The following SH3TC1 variants were observed in gnomAD, a reference collection of about 807,000 sequenced individuals.
SH3TC1 encodes the protein SH3 domain and tetratricopeptide repeat-containing protein 1.
In SH3TC1, 135 loss-of-function variants were observed where a neutral mutation model predicts 117.3. The ratio of observed to expected loss-of-function variants is 1.15; its 90% CI spans 1.00 to 1.33. The LOEUF is 1.33. Among genes scored for constraint, SH3TC1 ranks in the 40% most tolerant of loss-of-function variants. The pLI is 0.00. For synonymous variants in SH3TC1, 898 were observed against 816.9 expected, an observed-to-expected ratio of 1.10 and a Z score of -1.69; for missense variants, 2,092 against 1,794.3, an observed-to-expected ratio of 1.17 and a Z score of -3.00.
At chr4:8,207,397 A>T (rs1423437438) in intron 2 of SH3TC1, among the ~76,000 whole-genome samples, 4 of 152,202 alleles carry the variant, frequency 2.6e-5, no homozygotes, top group Non-Finnish European at 5.9e-5. Flanking sequence ...TCCCCTCTGC[A>T]GTTAGTAAGT....
Position 8,228,027 on chromosome 4 carries a change from C to T in SH3TC1, c.2333C>T (p.Pro778Leu), listed in dbSNP as rs145110444. The T allele has an allele frequency of 9.1e-4, 1,461 of 1,610,286 alleles. 1 individual carries two copies. The highest frequency in any genetic ancestry group is 5.6e-3 in the African/African-American group (420 of 75,018). The change falls in exon 12 of 18, where the codon CCG (proline) becomes CTG (leucine). Residue 778 changes from proline (P) to leucine (L), a missense_variant. Physicochemically the swap from Pro to Leu is moderately conservative, Grantham distance 98 (BLOSUM62 -3). Transcript: ENST00000245105. ...AGGCAAGCGCTGGCCTCCCTGACCCCGGGCACAGGCCAGGCGCTGCGCGGC... is the reference window on the plus strand; with the variant it reads ...AGGCAAGCGCTGGCCTCCCTGACCCTGGGCACAGGCCAGGCGCTGCGCGGC... ...YLRQALASLT[P>L]GTGQALRGPL...
rs1719055630 is a variant in SH3TC1, at chr4:8,214,577, C to T, written c.478C>T (p.Leu160Phe). Residue 160 changes from leucine to phenylalanine, a missense_variant, in exon 5 of 18, where the codon CTC (leucine) becomes TTC (phenylalanine). Coordinates refer to ENST00000245105, the MANE Select transcript of SH3TC1 (RefSeq NM_018986.5). Reference protein sequence around the residue: ...EIWKFSTYHALGFTHHCLANL... With the variant: ...EIWKFSTYHAFGFTHHCLANL... ...CTGGAAGTTTTCCACCTACCATGCT[C>T]TCGGTAAAGAGGTGACCCTCCCAGA... 1.9e-6 allele frequency: 3 copies of T among 1,613,674 alleles called. No homozygotes were observed. Among genetic ancestry groups the T allele is most frequent in the Non-Finnish European group, 1.7e-6 (2 of 1,179,786 alleles).
chr4:8,207,739 T>C (rs1718324686), intron 2 of SH3TC1, among the ~76,000 whole-genome samples: 1 of 152,366 alleles, frequency 6.6e-6, no homozygotes, highest in South Asian at 2.1e-4. Flanking sequence ...CGTCACTTAG[T>C]GGGTGCGTCC....
In SH3TC1 at chr4:8,232,019, C is replaced by T. The variant is rs141442802; in HGVS notation, c.2994C>T (p.Ala998=). 62 of 1,613,022 alleles carry T rather than the reference C, an allele frequency of 3.8e-5. No individual in the cohort carries two copies. Among genetic ancestry groups the T allele is most frequent in the Middle Eastern group, 3.3e-4 (2 of 6,062 alleles). Reference sequence around the variant, plus strand: ...AGCGGCTGTGCCACTTCTACAGCGCCGTCATGCCCAGCGAGGCCCAGTGTG... The same window carrying T: ...AGCGGCTGTGCCACTTCTACAGCGCTGTCATGCCCAGCGAGGCCCAGTGTG... ...AVQRLCHFYS[A]VMPSEAQCVI... Residue 998 remains alanine, a synonymous_variant, in exon 13 of 18, where the codon GCC becomes GCT. Transcript: ENST00000245105.
chr4:8,238,178 A>C (rs1560119540), intron 17 of SH3TC1, among the ~76,000 whole-genome samples: 1 of 152,118 alleles, frequency 6.6e-6, no homozygotes, highest in Non-Finnish European at 1.5e-5. Context: ...GACACCTTGA[A>C]TCTTCACATC....
Position 8,228,106 on chromosome 4 carries a change from G to A in SH3TC1, c.2412G>A (p.Pro804=), listed in dbSNP as rs564382806. 1.9e-4 allele frequency: 306 copies of A among 1,611,160 alleles called. 1 individual carries two copies. Among genetic ancestry groups the A allele is most frequent in the Non-Finnish European group, 2.3e-4 (273 of 1,178,820 alleles). Residue 804 remains proline (P), a synonymous_variant, in exon 12 of 18, where the codon CCG becomes CCA. Transcript: ENST00000245105. ...QLYSHHGCHG[P]AITFMTQAVE... ...ACAGCCACCATGGCTGCCACGGCCC[G>A]GCCATCACCTTCATGACGCAGGCAG...
chr4:8,189,027 C>T lies in SH3TC1; in HGVS notation c.-57+6817C>T, dbSNP rs192217697. On this transcript the variant is annotated intron_variant, in intron 1 of 16. Transcript: ENST00000508641. Reference sequence around the variant, plus strand: ...GTGCCTGCTGCAAGCCGGTGGTTCCCTCCCACCCAGCTGCCCACACAGCTT... The same window carrying T: ...GTGCCTGCTGCAAGCCGGTGGTTCCTTCCCACCCAGCTGCCCACACAGCTT... Among the ~76,000 whole-genome samples, 687 of 152,390 alleles carry T rather than the reference C, an allele frequency of 4.5e-3. 6 individuals are homozygous for T. The highest frequency in any genetic ancestry group is 0.016 in the African/African-American group (650 of 41,594).
In SH3TC1 at chr4:8,209,897, C is replaced by A; in HGVS notation, c.247+75C>A. 1 of 1,448,692 alleles carries A rather than the reference C, an allele frequency of 6.9e-7. No homozygotes were observed. Among genetic ancestry groups the A allele is most frequent in the Non-Finnish European group, 9.5e-7 (1 of 1,052,454 alleles). The allele number at this position is 1,448,692 out of a possible 1,614,324, so 89.7% of individuals were successfully genotyped here. A position where few individuals can be genotyped will look rare whatever the true frequency, so the allele number is the denominator to read the frequency against. On this transcript the variant is annotated intron_variant, in intron 3 of 17. Transcript: ENST00000245105. The surrounding 1 kb of genome is among the most constrained non-coding windows in gnomAD (Gnocchi z 5.9). The stretch of plus-strand genomic sequence containing the variant: ...GCCGCTCCCTGGGCATCCAAGAGTC[C>A]AACCCAGGGCTTCTCAAAGTGTGGC...
At chr4:8,208,248 C>T (rs573099124) in intron 2 of SH3TC1, among the ~76,000 whole-genome samples, 1 of 152,202 alleles carries the variant, frequency 6.6e-6, no homozygotes, top group Non-Finnish European at 1.5e-5. Context: ...TCCGAGCACA[C>T]GTTCTTCTTA....
intron 1 of SH3TC1, among the ~76,000 whole-genome samples, chr4:8,202,697 C>A (rs946070563): frequency 6.6e-6 from 1 of 152,174 alleles, no homozygotes; most frequent in Non-Finnish European, 1.5e-5. Context: ...GGGGCTGATC[C>A]GGCTGAGGCC....
At chr4:8,240,581 G>A in intron 17 of SH3TC1, 117 bp from the exon 18 acceptor site, 3 of 1,513,936 alleles carry the variant, frequency 2.0e-6, no homozygotes, top group South Asian at 1.3e-5. Context: ...CAGGCTTCGG[G>A]GCTCATGGGG....
intron 5 of SH3TC1, 41 bp from the exon 6 acceptor site, chr4:8,216,070 C>A (rs760094550): frequency 3.7e-6 from 6 of 1,606,950 alleles, no homozygotes; most frequent in Non-Finnish European, 5.1e-6. Context: ...CTCCCTGCCC[C>A]TCTTCTGGAG....
intron 13 of SH3TC1, chr4:8,233,027 C>A: frequency 8.3e-7 from 1 of 1,210,274 alleles, no homozygotes. Context: ...ACCTTGAGAA[C>A]CATCGGCCTG....
chr4:8,187,513 G>A (rs1717264433), intron 1 of SH3TC1, among the ~76,000 whole-genome samples: 1 of 151,182 alleles, frequency 6.6e-6, no homozygotes, highest in Non-Finnish European at 1.5e-5. Context: ...TGACTTATTT[G>A]TACTGGTGTG....
chr4:8,235,703 A>G (rs1721749150), intron 15 of SH3TC1, 148 bp downstream of exon 15: 1 of 1,156,402 alleles, frequency 8.6e-7, no homozygotes. Flanking sequence ...ACCGGGAATG[A>G]TATTGACTGT....
chr4:8,231,929 G>A (rs897745373), intron 12 of SH3TC1, 47 bp from the exon 13 acceptor site: 24 of 1,595,050 alleles, frequency 1.5e-5, no homozygotes, highest in African/African-American at 4.0e-5. Flanking sequence ...AGCCAGCCTC[G>A]CTTCAATGCT....
upstream of SH3TC1, among the ~76,000 whole-genome samples, chr4:8,196,086 C>T (rs529773220): frequency 1.3e-5 from 2 of 152,354 alleles, no homozygotes; most frequent in South Asian, 2.1e-4. This position sits in a 1 kb window ranked among gnomAD's most constrained non-coding sequence, Gnocchi z 4.6. Context: ...GGAGAGGACC[C>T]GGCACGGGCA....
rs986368503 is a variant in SH3TC1 at position 8,228,495 on chromosome 4, C to T, written c.2801C>T (p.Ser934Leu). 1.3e-5 allele frequency: 21 copies of T among 1,611,306 alleles called. No homozygotes were observed. The highest frequency in any genetic ancestry group is 5.5e-5 in the South Asian group (5 of 90,920). Residue 934 changes from serine to leucine, a missense_variant, in exon 12 of 18, where the codon TCG becomes TTG. Physicochemically the swap from Ser to Leu is moderately radical, Grantham distance 145. Transcript: ENST00000245105. Reference protein sequence around the residue: ...HYLLEAVRLFSRLPLGECGRD... With the variant: ...HYLLEAVRLFLRLPLGECGRD... Reference sequence around the variant, plus strand: ...CTCCTGGAGGCCGTGCGGCTGTTCTCGAGGCTGCCCCTTGGGGAGTGTGGC... The same window carrying T: ...CTCCTGGAGGCCGTGCGGCTGTTCTTGAGGCTGCCCCTTGGGGAGTGTGGC...
At chr4:8,191,372 G>A (rs1254876479) in intron 1 of SH3TC1, among the ~76,000 whole-genome samples, 3 of 152,166 alleles carry the variant, frequency 2.0e-5, no homozygotes, top group South Asian at 2.1e-4. Flanking sequence ...GCAGGCCTCC[G>A]ACCCGGCGGC....
Sources: allele counts gnomAD v4.1 joint callset (sites outside exome capture counted in the v4.1 genomes callset), GRCh38; gene constraint gnomAD v4.1.1; non-coding constraint Gnocchi (gnomAD v3.1); transcripts MANE v1.5; gene names NCBI Gene and HGNC (gene_info 2026-07-23, HGNC 2026-07-21).